Variants in YAE1 observed in about 807,000 individuals in gnomAD.
YAE1 encodes the protein protein YAE1 homolog.
In YAE1, 22 loss-of-function variants were observed where a neutral mutation model predicts 23.0. That is an observed-to-expected ratio of 0.96 (90% CI 0.68 to 1.37). The LOEUF is 1.37. YAE1 is among the 40% of genes most tolerant of loss of function. The pLI, the probability that YAE1 is intolerant of heterozygous loss-of-function variation, is 0.00. For synonymous variants in YAE1, 101 were observed against 97.0 expected (o/e 1.04, Z -0.24); for missense variants, 260 against 262.1 (o/e 0.99, Z 0.06).
chr7:39,611,981 T>C (rs902472342), downstream of YAE1, among the ~76,000 whole-genome samples: 1 of 152,260 alleles, frequency 6.6e-6, no homozygotes, highest in African/African-American at 2.4e-5. Flanking sequence ...TCCTTATTAA[T>C]GAATGTCTTT....
downstream of YAE1, among the ~76,000 whole-genome samples, chr7:39,575,206 C>T (rs1441698537): frequency 3.3e-5 from 5 of 152,174 alleles, no homozygotes; most frequent in African/African-American, 1.2e-4. Flanking sequence ...TCCTTAGAAA[C>T]AAATTTCATC....
intron 2 of YAE1, among the ~76,000 whole-genome samples, chr7:39,604,307 T>G (rs1396611312): frequency 2.0e-5 from 3 of 152,256 alleles, no homozygotes; most frequent in Admixed American, 6.5e-5. Context: ...GCCAGAGCTA[T>G]ATCACATGCC....
intron 2 of YAE1, chr7:39,609,560 G>C: frequency 6.7e-7 from 1 of 1,503,722 alleles, no homozygotes; most frequent in Admixed American, 2.0e-5. Flanking sequence ...GGGGAAAGTT[G>C]TGGGGACAGT....
intron 2 of YAE1, among the ~76,000 whole-genome samples, chr7:39,589,867 G>C (rs1333763655): frequency 7.9e-5 from 12 of 152,174 alleles, no homozygotes. Flanking sequence ...AAGAAACAAT[G>C]CTTAGAGGCG....
intron 2 of YAE1, among the ~76,000 whole-genome samples, chr7:39,583,248 T>C (rs1562592367): frequency 6.6e-6 from 1 of 152,240 alleles, no homozygotes; most frequent in Non-Finnish European, 1.5e-5. Flanking sequence ...CATGTGGACA[T>C]ATTATACAAA....
chr7:39,590,915 G>A (rs1258025348), intron 2 of YAE1, among the ~76,000 whole-genome samples: 1 of 152,010 alleles, frequency 6.6e-6, no homozygotes, highest in African/African-American at 2.4e-5. Flanking sequence ...TACTGTATTA[G>A]TTTGCTAGGG....
At chr7:39,609,481 G>A (rs1042386668) in intron 2 of YAE1, 36 of 1,177,604 alleles carry the variant, frequency 3.1e-5, no homozygotes, top group Middle Eastern at 2.0e-4. Context: ...AAAGTTGGGG[G>A]GTTGTAACAG....
Position 39,595,597 on chromosome 7 carries a change from G to A in YAE1, c.252-14020G>A, listed in dbSNP as rs150656279. On this transcript the variant is annotated intron_variant, in intron 2 of 2. Coordinates refer to the YAE1 transcript ENST00000432096. The stretch of plus-strand genomic sequence containing the variant: ...AGATATAATTTACATATCAAATTAT[G>A]TATTTTTAACAATGAATAATATCTG... 6.4e-3 allele frequency among the ~76,000 whole-genome samples: 973 copies of A among 152,264 alleles called. 11 individuals carry two copies. Among genetic ancestry groups the A allele is most frequent in the African/African-American group, 0.022 (927 of 41,550 alleles).
At chr7:39,607,507 A>G (rs1162636139) in intron 2 of YAE1, among the ~76,000 whole-genome samples, 1 of 152,218 alleles carries the variant, frequency 6.6e-6, no homozygotes, top group Non-Finnish European at 1.5e-5. Flanking sequence ...CCTCTAGGCT[A>G]CACCCTGCTC....
intron 2 of YAE1, among the ~76,000 whole-genome samples, chr7:39,601,962 G>C (rs550322276): frequency 1.3e-5 from 2 of 152,098 alleles, no homozygotes; most frequent in Non-Finnish European, 2.9e-5. Context: ...CCAGCAAGTG[G>C]TTATCTATAG....
intron 2 of YAE1, among the ~76,000 whole-genome samples, chr7:39,578,534 G>A (rs1010798556): frequency 2.0e-5 from 3 of 152,078 alleles, no homozygotes; most frequent in African/African-American, 7.2e-5. Context: ...CTGCAGCTTC[G>A]CTCCTGAGGC....
chr7:39,610,608 A>AT (rs1180798682), downstream of YAE1, among the ~76,000 whole-genome samples: 1 of 152,172 alleles, frequency 6.6e-6, no homozygotes, highest in Non-Finnish European at 1.5e-5. Context: ...GTTCTGTAAG[A>AT]AGTGTGTGTG....
chr7:39,607,650 A>G (rs953531126), intron 2 of YAE1, among the ~76,000 whole-genome samples: 6 of 152,158 alleles, frequency 3.9e-5, no homozygotes, highest in Non-Finnish European at 7.4e-5. Context: ...GAAAACTAAT[A>G]TATTTGGGTT....
rs1178191824 is a variant in YAE1 at position 39,569,025 on chromosome 7, A to C, written c.130-1481A>C. On this transcript the variant is annotated intron_variant, in intron 1 of 2. Transcript: ENST00000223273. ...TGAGAAAAATTATATCAAATGAGAAATATTTTTCTCTAAAATAATCTTAAG... is the reference window on the plus strand; with the variant it reads ...TGAGAAAAATTATATCAAATGAGAACTATTTTTCTCTAAAATAATCTTAAG... Among the ~76,000 whole-genome samples the C allele has an allele frequency of 1.3e-5, 2 of 152,194 alleles. 1 individual carries two copies. Among genetic ancestry groups the C allele is most frequent in the Non-Finnish European group, 2.9e-5 (2 of 68,022 alleles).
intron 2 of YAE1, among the ~76,000 whole-genome samples, chr7:39,603,290 C>G (rs1791080388): frequency 1.3e-5 from 2 of 152,188 alleles, no homozygotes; most frequent in African/African-American, 4.8e-5. Context: ...AGGCGCCCAC[C>G]ACCACGCCGG....
chr7:39,588,501 CA>C (rs5883697), intron 2 of YAE1, among the ~76,000 whole-genome samples: 99,911 of 120,956 alleles, frequency 0.83, 40,708 homozygotes, highest in African/African-American at 0.94. Flanking sequence ...GACTCCATCT[CA>C]AAAAAAAAAA....
At chr7:39,603,173 G>A (rs1489452892) in intron 2 of YAE1, among the ~76,000 whole-genome samples, 3 of 145,872 alleles carry the variant, frequency 2.1e-5, no homozygotes, top group Non-Finnish European at 4.6e-5. Flanking sequence ...TTTTTGAGAC[G>A]GAGTCTCGCT....
chr7:39,612,044 A>C (rs990966376), downstream of YAE1, among the ~76,000 whole-genome samples: 3 of 152,216 alleles, frequency 2.0e-5, no homozygotes, highest in Non-Finnish European at 4.4e-5. Context: ...TTTTCATTAT[A>C]TGGTGTTAAC....
chr7:39,566,862 A>C, intron 1 of YAE1: 1 of 254,300 alleles, frequency 3.9e-6, no homozygotes, highest in Non-Finnish European at 7.9e-6. Context: ...AACATACACT[A>C]TACTTATTAT....
Sources: gnomAD v4.1 joint callset for allele counts (sites outside exome capture counted in the v4.1 genomes callset) on GRCh38, gnomAD v4.1.1 for gene constraint, MANE v1.5 for transcripts, NCBI Gene and HGNC (gene_info 2026-07-23, HGNC 2026-07-21) for gene names.